The following UBE3C variants were observed in gnomAD, a reference collection of about 807,000 sequenced individuals.
UBE3C encodes ubiquitin-protein ligase E3C.
Under a neutral mutation model 129.4 loss-of-function variants are expected in UBE3C, and 42 were observed. The ratio of observed to expected loss-of-function variants is 0.32; its 90% CI spans 0.25 to 0.42. The LOEUF (loss-of-function observed/expected upper bound fraction) is 0.42, where lower values mean the gene tolerates loss of function less well. Among genes scored for constraint, UBE3C ranks in the 10% least tolerant of loss-of-function variants. The pLI, the probability that UBE3C is intolerant of heterozygous loss-of-function variation, is 1.00. For missense variants in UBE3C, 1,049 were observed against 1,319.1 expected (o/e 0.80, Z 3.17); for synonymous variants, 510 against 492.4 (o/e 1.04, Z -0.47).
intron 11 of UBE3C, among the ~76,000 whole-genome samples, chr7:157,202,803 T>TA (rs1809327844): frequency 6.6e-6 from 1 of 152,244 alleles, no homozygotes; most frequent in South Asian, 2.1e-4. Flanking sequence ...CAGTCACTGT[T>TA]ACTGACTCCA....
chr7:157,224,811 CTCCCACTCACT>C (rs1563063883), intron 16 of UBE3C, among the ~76,000 whole-genome samples: 153 of 152,012 alleles, frequency 1.0e-3, no homozygotes, highest in African/African-American at 3.5e-3. Flanking sequence ...CTCTCTCTCT[CTCCCACTCACT>C]CACTCACTCA....
At chr7:157,254,366 C>T (rs1796691671) in intron 21 of UBE3C, 56 bp downstream of exon 21, 2 of 1,060,308 alleles carry the variant, frequency 1.9e-6, no homozygotes, top group Non-Finnish European at 2.5e-6. Context: ...GTCATATTTC[C>T]AAAGTAATTT....
chr7:157,234,380 T>A (rs1796099523), intron 18 of UBE3C, among the ~76,000 whole-genome samples: 1 of 152,248 alleles, frequency 6.6e-6, no homozygotes, highest in South Asian at 2.1e-4. Flanking sequence ...CTCATATTCT[T>A]GGCACCCTTG....
At chr7:157,148,242 A>G (rs1451482780) in intron 1 of UBE3C, among the ~76,000 whole-genome samples, 2 of 152,034 alleles carry the variant, frequency 1.3e-5, no homozygotes, top group Non-Finnish European at 2.9e-5. Context: ...CTGGGCTTAC[A>G]GGCGCCCACC....
intron 1 of UBE3C, among the ~76,000 whole-genome samples, chr7:157,145,123 T>A (rs1807569199): frequency 6.6e-6 from 1 of 151,280 alleles, no homozygotes; most frequent in Non-Finnish European, 1.5e-5. Flanking sequence ...TACAAAAAAT[T>A]AGCTGGGCGT....
intron 1 of UBE3C, among the ~76,000 whole-genome samples, chr7:157,147,447 GCA>G (rs1161434468): frequency 1.3e-5 from 2 of 152,090 alleles, no homozygotes; most frequent in Non-Finnish European, 2.9e-5. Flanking sequence ...GGAATTTCCT[GCA>G]CAGATAATCA....
chr7:157,167,159 G>A (rs1483202149), intron 2 of UBE3C, among the ~76,000 whole-genome samples: 1 of 152,134 alleles, frequency 6.6e-6, no homozygotes, highest in East Asian at 1.9e-4. Flanking sequence ...TGGGACTCCT[G>A]ACCTCAAGTG....
intron 11 of UBE3C, among the ~76,000 whole-genome samples, chr7:157,202,662 A>G (rs2116991116): frequency 6.6e-6 from 1 of 152,326 alleles, no homozygotes; most frequent in East Asian, 1.9e-4. Flanking sequence ...CTCAAAAAAA[A>G]AGAAAAAAAG....
chr7:157,169,873 G>A (rs2116882787), intron 3 of UBE3C, among the ~76,000 whole-genome samples: 1 of 152,086 alleles, frequency 6.6e-6, no homozygotes, highest in East Asian at 1.9e-4. Context: ...TAGTAGAGAT[G>A]GCGTTTCACC....
chr7:157,250,135 G>T (rs913342250), intron 19 of UBE3C, among the ~76,000 whole-genome samples: 12 of 152,204 alleles, frequency 7.9e-5, no homozygotes, highest in Non-Finnish European at 1.5e-4. Context: ...TGGCCGGGAG[G>T]TGTGATGCCT....
chr7:157,164,407 A>G (rs1208708410), intron 2 of UBE3C: 3 of 456,426 alleles, frequency 6.6e-6, no homozygotes, highest in Admixed American at 2.4e-5. Context: ...CGCCTCCCTC[A>G]TTTTCCCAAA....
intron 1 of UBE3C, among the ~76,000 whole-genome samples, chr7:157,142,571 GA>G: frequency 6.6e-6 from 1 of 152,178 alleles, no homozygotes; most frequent in East Asian, 1.9e-4. Context: ...CAGGTTCGTG[GA>G]GCGGGGTGTG....
Position 157,267,571 on chromosome 7 carries a change from A to T in UBE3C, c.3082-14A>T, listed in dbSNP as rs9918721. The T allele has an allele frequency of 6.2e-7, 1 of 1,612,870 alleles. No individual in the cohort carries two copies. ...CTTGTTACAGTGACATCTTGCACAC[A>T]TGCTGTTTTTCAGGAGTTGTATCCC... is the stretch of plus-strand genomic sequence containing the variant. On this transcript the variant is annotated splice_polypyrimidine_tract_variant and intron_variant, in intron 22 of 22. Coordinates refer to ENST00000348165, the MANE Select transcript of UBE3C (RefSeq NM_014671.3).
At chr7:157,140,252 C>T (rs906235394) in intron 1 of UBE3C, among the ~76,000 whole-genome samples, 6 of 148,396 alleles carry the variant, frequency 4.0e-5, no homozygotes, top group African/African-American at 1.5e-4. Flanking sequence ...CTGTATATCA[C>T]AACCACCAGG....
At position 157,170,310 on chromosome 7, in the gene UBE3C, A is replaced by G. The variant is rs371273857; in HGVS notation, c.202A>G (p.Ile68Val). ...GYRDRKQQYS[I>V]QRSAFDRCAT... ...TGTTTTGTTTTTCTTCCAGTATTCCATCCAAAGAAGTGCATTTGATCGCTG... is the reference window on the plus strand; with the variant it reads ...TGTTTTGTTTTTCTTCCAGTATTCCGTCCAAAGAAGTGCATTTGATCGCTG... Residue 68 changes from isoleucine to valine, a missense_variant, in exon 4 of 23, where the codon ATC becomes GTC. By Grantham distance (29) the Ile-to-Val change is conservative. Transcript: ENST00000348165. 24 of 1,505,056 alleles carry G rather than the reference A, an allele frequency of 1.6e-5. No individual in the cohort carries two copies. The highest frequency in any genetic ancestry group is 2.5e-5 in the East Asian group (1 of 39,956). The allele number at this position is 1,505,056 out of a possible 1,614,324, so 93.2% of individuals were successfully genotyped here.
chr7:157,152,661 A>G (rs1303038402), intron 1 of UBE3C, among the ~76,000 whole-genome samples: 1 of 152,262 alleles, frequency 6.6e-6, no homozygotes, highest in East Asian at 1.9e-4. Flanking sequence ...CTGGAGTCCA[A>G]ATAATTTAGC....
intron 6 of UBE3C, 148 bp downstream of exon 6, chr7:157,178,995 C>T (rs1415581657): frequency 1.1e-6 from 1 of 907,672 alleles, no homozygotes; most frequent in East Asian, 2.8e-5. Flanking sequence ...CCACAGGTGC[C>T]CACCAGAGTC....
chr7:157,181,236 T>C (rs1340153979), intron 6 of UBE3C, among the ~76,000 whole-genome samples: 1 of 152,248 alleles, frequency 6.6e-6, no homozygotes, highest in Non-Finnish European at 1.5e-5. Context: ...TTTTTAAAAA[T>C]AGTCTCTTAA....
In UBE3C at chr7:157,231,295, C is replaced by T. The variant is rs1384166636; in HGVS notation, c.2449C>T (p.His817Tyr). ...QMLVGDSFAR[H>Y]YYFLGRMLGK... ...GCTTGTGGGAGATTCTTTTGCCAGA[C>T]ATTACTACTTCCTAGGCAGAATGCT... The change falls in exon 18 of 23, where the codon CAT becomes TAT. Residue 817 changes from histidine to tyrosine, a missense_variant. Physicochemically the swap from His to Tyr is moderately conservative, Grantham distance 83. Transcript: ENST00000348165. 6.2e-7 allele frequency: 1 copy of T among 1,614,132 alleles called. No homozygotes were observed. The highest frequency in any genetic ancestry group is 8.5e-7 in the Non-Finnish European group (1 of 1,180,032).
Sources: allele counts gnomAD v4.1 joint callset (sites outside exome capture counted in the v4.1 genomes callset), GRCh38; gene constraint gnomAD v4.1.1; transcripts MANE v1.5; gene names NCBI Gene and HGNC (gene_info 2026-07-23, HGNC 2026-07-21).